The following CDK12 variants were observed in gnomAD, a reference collection of about 807,000 sequenced individuals.
The protein encoded by CDK12 is cyclin-dependent kinase 12.
Under a neutral mutation model 133.8 loss-of-function variants are expected in CDK12, and 17 were observed. The observed-to-expected ratio is 0.13, with a 90% CI of 0.09 to 0.19. The LOEUF (loss-of-function observed/expected upper bound fraction) is 0.19, where lower values mean the gene tolerates loss of function less well. Among genes scored for constraint, CDK12 ranks in the 10% least tolerant of loss-of-function variants. The pLI is 1.00. For missense variants in CDK12, 1,508 were observed against 1,818.7 expected (o/e 0.83, Z 3.11); for synonymous variants, 694 against 683.6 (o/e 1.02, Z -0.24).
intron 2 of CDK12, among the ~76,000 whole-genome samples, chr17:39,474,298 T>C (rs1443252481): frequency 6.6e-6 from 1 of 152,194 alleles, no homozygotes; most frequent in Non-Finnish European, 1.5e-5. Context: ...CCTTCATTCC[T>C]TTCAAGGTGA....
chr17:39,519,599 T>A (rs935575608), intron 10 of CDK12, among the ~76,000 whole-genome samples: 1 of 151,632 alleles, frequency 6.6e-6, no homozygotes, highest in African/African-American at 2.4e-5. Context: ...TTTTTTTTTT[T>A]TTTAAAAAGA....
chr17:39,467,006 CAG>C (rs1471206369), intron 1 of CDK12, among the ~76,000 whole-genome samples: 2 of 151,700 alleles, frequency 1.3e-5, no homozygotes, highest in East Asian at 1.9e-4. Context: ...TAATTTGAGA[CAG>C]AGTTTCTGTC....
chr17:39,471,229 C>T lies in CDK12; in HGVS notation c.1397C>T (p.Thr466Ile), dbSNP rs775179120. Residue 466 changes from threonine to isoleucine, a missense_variant, in exon 2 of 14, where the codon ACA becomes ATA. By Grantham distance (89) the Thr-to-Ile change is moderately conservative. This residue lies in a region of CDK12 where 347 missense variants were observed against 330.8 expected (regional missense o/e 1.05). Transcript: ENST00000447079. ...SAPDTELVNV[T>I]HLNTEVKNSS... Reference sequence around the variant, plus strand: ...CCAGATACTGAACTGGTGAATGTAACACATCTAAACACAGAGGTAAAAAAT... The same window carrying T: ...CCAGATACTGAACTGGTGAATGTAATACATCTAAACACAGAGGTAAAAAAT... 6 of 1,602,208 alleles carry T rather than the reference C, an allele frequency of 3.7e-6. No homozygotes were observed. Among genetic ancestry groups the T allele is most frequent in the Non-Finnish European group, 5.1e-6 (6 of 1,176,220 alleles).
At chr17:39,512,855 G>A (rs1450685757) in intron 8 of CDK12, among the ~76,000 whole-genome samples, 1 of 152,136 alleles carries the variant, frequency 6.6e-6, no homozygotes, top group South Asian at 2.1e-4. Context: ...GATGACCAAT[G>A]AAAAATGTTT....
In CDK12 at chr17:39,499,211, T is replaced by TC. The variant is rs1280503542; in HGVS notation, c.2420-2039_2420-2038insC. ...TCTTTCTTTCTTTCTTTCTTTCCTT[T>TC]TTTTTTTTTTTTTGAGACAGAGTCT... On this transcript the variant is annotated intron_variant, in intron 5 of 13. Coordinates refer to ENST00000447079, the MANE Select transcript of CDK12 (RefSeq NM_016507.4). Among the ~76,000 whole-genome samples the TC allele has an allele frequency of 1.6e-4, 14 of 86,326 alleles. 1 individual carries two copies. Among genetic ancestry groups the TC allele is most frequent in the Admixed American group, 4.4e-4 (3 of 6,826 alleles). The allele number at this position is 86,326 out of a possible 152,430, so 56.6% of individuals were successfully genotyped here.
At chr17:39,490,520 A>G (rs750869321) in intron 2 of CDK12, 37 bp from the exon 3 acceptor site, 21 of 1,463,370 alleles carry the variant, frequency 1.4e-5, no homozygotes, top group Non-Finnish European at 1.7e-5. Flanking sequence ...CGTATCTTTA[A>G]TTGTAATTTT....
chr17:39,496,186 C>T (rs949626016), intron 5 of CDK12, among the ~76,000 whole-genome samples: 4 of 152,134 alleles, frequency 2.6e-5, no homozygotes, highest in East Asian at 1.9e-4. Context: ...GCAGGGATGA[C>T]AAGGGTGAGC....
chr17:39,485,213 T>C lies in CDK12; in HGVS notation c.1932-5344T>C, dbSNP rs186447559. Among the ~76,000 whole-genome samples, 109 of 150,242 alleles carry C rather than the reference T, an allele frequency of 7.3e-4. 1 individual carries two copies. Among genetic ancestry groups the C allele is most frequent in the African/African-American group, 2.5e-3 (101 of 40,894 alleles). On this transcript the variant is annotated intron_variant, in intron 2 of 13. Transcript: ENST00000447079. ...AGTTCAGACACTCTGGTTTGAGGCA[T>C]TGTGGATAAGAGAGTACCTAATCTG...
intron 3 of CDK12, chr17:39,557,132 T>C (rs2056190560): frequency 6.6e-6 from 1 of 152,118 alleles, no homozygotes; most frequent in Non-Finnish European, 1.5e-5. Flanking sequence ...GAGAGAGAGG[T>C]AGCTGTAGAG....
chr17:39,567,038 G>A (rs8081144), downstream of CDK12: 16,068 of 152,306 alleles, frequency 0.11, 1,059 homozygotes, highest in African/African-American at 0.2. Flanking sequence ...TCCCTGGAGG[G>A]AGGCTCTGCT....
chr17:39,553,007 G>A (rs2056016679), intron 2 of CDK12, among the ~76,000 whole-genome samples: 1 of 152,198 alleles, frequency 6.6e-6, no homozygotes, highest in South Asian at 2.1e-4. Flanking sequence ...GGGATTACAG[G>A]AGTGTGGCTC....
Position 39,526,356 on chromosome 17 carries a change from T to C in CDK12, c.3760+40T>C, listed in dbSNP as rs202233220. The C allele has an allele frequency of 3.3e-5, 48 of 1,435,810 alleles. 1 individual carries two copies. The East Asian group carries it at 1.1e-3, about 34-fold the overall frequency. 88.9% of individuals were successfully genotyped at this position (1,435,810 alleles called of 1,614,324 possible). ...CATGAATCTCATTGAGCTCAGGTGC[T>C]GTTGATACCCTCTTAAAAATCTCTT... On this transcript the variant is annotated intron_variant, in intron 13 of 13. Transcript: ENST00000447079.
At chr17:39,491,061 A>G (rs374884099) in intron 3 of CDK12, among the ~76,000 whole-genome samples, 2 of 152,284 alleles carry the variant, frequency 1.3e-5, no homozygotes, top group Non-Finnish European at 2.9e-5. Context: ...GGATGTGTCA[A>G]TCGTGTACAC....
At chr17:39,467,337 G>A (rs554481213) in intron 1 of CDK12, among the ~76,000 whole-genome samples, 14 of 152,218 alleles carry the variant, frequency 9.2e-5, no homozygotes, top group African/African-American at 1.7e-4. Context: ...CTTTGCATCC[G>A]CTAGATTAGC....
At chr17:39,522,495 C>T (rs550958801) in intron 11 of CDK12, among the ~76,000 whole-genome samples, 37 of 152,056 alleles carry the variant, frequency 2.4e-4, no homozygotes, top group African/African-American at 8.9e-4. Context: ...AGTGCAGTGG[C>T]ACAATCTCAA....
chr17:39,500,401 G>A (rs2052633342), intron 5 of CDK12, among the ~76,000 whole-genome samples: 1 of 152,022 alleles, frequency 6.6e-6, no homozygotes, highest in African/African-American at 2.4e-5. Flanking sequence ...GGGAAGCTAA[G>A]GCAGGCGGAT....
In CDK12 at chr17:39,526,164, C is replaced by G; in HGVS notation, c.3608C>G (p.Pro1203Arg). Reference protein sequence around the residue: ...EQTTLEASSTPADMQNILAVL... With the variant: ...EQTTLEASSTRADMQNILAVL... ...ACGACCCTTGAAGCTTCAAGCACAC[C>G]AGCTGACATGCAGAATATATTGGCA... The change falls in exon 13 of 14, where the codon CCA becomes CGA. Residue 1203 changes from proline (P) to arginine (R), a missense_variant. Pro to Arg is a moderately radical substitution (Grantham distance 103, BLOSUM62 -2). Coordinates refer to ENST00000447079, the MANE Select transcript of CDK12 (RefSeq NM_016507.4). 1 of 1,614,158 alleles carries G rather than the reference C, an allele frequency of 6.2e-7. No homozygotes were observed. Among genetic ancestry groups the G allele is most frequent in the East Asian group, 2.2e-5 (1 of 44,890 alleles).
chr17:39,490,082 C>A (rs2051461918), intron 2 of CDK12, among the ~76,000 whole-genome samples: 3 of 151,582 alleles, frequency 2.0e-5, no homozygotes, highest in African/African-American at 4.8e-5. Flanking sequence ...TAAAATTTAT[C>A]TCAGCCAGGC....
upstream of CDK12, among the ~76,000 whole-genome samples, chr17:39,547,229 G>A (rs919152952): frequency 1.4e-5 from 2 of 140,628 alleles, no homozygotes; most frequent in South Asian, 2.4e-4. Flanking sequence ...TCTGCCTCCC[G>A]GATTCAAGCT....
Sources: gnomAD v4.1 joint callset for allele counts (sites outside exome capture counted in the v4.1 genomes callset) on GRCh38, gnomAD v4.1.1 for gene constraint, gnomAD v4.1.1 regional missense constraint, MANE v1.5 for transcripts, NCBI Gene and HGNC (gene_info 2026-07-23, HGNC 2026-07-21) for gene names.